Variants in ZFPM2 observed in about 807,000 individuals in gnomAD.
ZFPM2 encodes zinc finger protein, FOG family member 2.
ZFPM2 carries 20 observed loss-of-function variants against 98.6 expected under a neutral mutation model. The observed-to-expected ratio is 0.20, with a 90% CI of 0.14 to 0.29. The LOEUF is 0.29. ZFPM2 is among the 10% of genes least tolerant of loss of function. The pLI, the probability that ZFPM2 is intolerant of heterozygous loss-of-function variation, is 1.00. For missense variants in ZFPM2, 1,310 were observed against 1,388.6 expected, an observed-to-expected ratio of 0.94 and a Z score of 0.90; for synonymous variants, 518 against 502.7, an observed-to-expected ratio of 1.03 and a Z score of -0.41.
intron 1 of ZFPM2, among the ~76,000 whole-genome samples, chr8:105,415,824 A>G (rs938261417): frequency 1.3e-5 from 2 of 152,242 alleles, no homozygotes; most frequent in Non-Finnish European, 1.5e-5. Flanking sequence ...GTTATTTCAC[A>G]TTTTAAAGTA....
chr8:105,471,467 C>T (rs1017899874), intron 3 of ZFPM2, among the ~76,000 whole-genome samples: 11 of 152,154 alleles, frequency 7.2e-5, no homozygotes, highest in African/African-American at 2.7e-4. Context: ...CACTTTATCA[C>T]TTTAAGATTG....
chr8:105,687,632 G>A (rs1407064222), intron 5 of ZFPM2, among the ~76,000 whole-genome samples: 1 of 151,978 alleles, frequency 6.6e-6, no homozygotes, highest in East Asian at 1.9e-4. Context: ...CATAATATTT[G>A]GACTTTTAAG....
intron 5 of ZFPM2, among the ~76,000 whole-genome samples, chr8:105,749,378 A>G (rs996599718): frequency 6.6e-6 from 1 of 152,112 alleles, no homozygotes; most frequent in African/African-American, 2.4e-5. Context: ...TTAAATAGTA[A>G]GTTTAATAAA....
chr8:105,337,833 G>A (rs1812357214), intron 1 of ZFPM2, among the ~76,000 whole-genome samples: 1 of 151,356 alleles, frequency 6.6e-6, no homozygotes, highest in South Asian at 2.1e-4. Flanking sequence ...AATTTTGTGA[G>A]TGAGTTAAGC....
At chr8:105,608,617 C>A (rs1447155633) in intron 4 of ZFPM2, among the ~76,000 whole-genome samples, 23 of 116,038 alleles carry the variant, frequency 2.0e-4, no homozygotes, top group Admixed American at 6.4e-4. Flanking sequence ...CAGTGAGTAA[C>A]TAATAGAAAT....
chr8:105,409,335 T>C (rs1662042676), intron 1 of ZFPM2, among the ~76,000 whole-genome samples: 1 of 151,928 alleles, frequency 6.6e-6, no homozygotes, highest in South Asian at 2.1e-4. Context: ...GTTTGCATTA[T>C]CCAGGACTCT....
intron 1 of ZFPM2, among the ~76,000 whole-genome samples, chr8:105,385,673 T>C (rs1243049376): frequency 6.6e-6 from 1 of 152,250 alleles, no homozygotes; most frequent in Non-Finnish European, 1.5e-5. Flanking sequence ...GCTTCCAAAC[T>C]ACATCACTCT....
chr8:105,762,452 C>T (rs544932277), intron 5 of ZFPM2, among the ~76,000 whole-genome samples: 5 of 151,970 alleles, frequency 3.3e-5, no homozygotes, highest in Non-Finnish European at 4.4e-5. Flanking sequence ...TAGCTCACTC[C>T]GCTATCTGTC....
intron 4 of ZFPM2, among the ~76,000 whole-genome samples, chr8:105,596,492 TA>T (rs1815972200): frequency 6.6e-6 from 1 of 152,054 alleles, no homozygotes; most frequent in South Asian, 2.1e-4. Context: ...TGGTATGCCA[TA>T]CCTAGGGAAA....
At chr8:105,710,195 A>G (rs2130974130) in intron 5 of ZFPM2, among the ~76,000 whole-genome samples, 1 of 152,108 alleles carries the variant, frequency 6.6e-6, no homozygotes, top group East Asian at 1.9e-4. Context: ...GCAGTTATAA[A>G]CAACTTCAAA....
At chr8:105,541,119 G>A (rs1194362181) in intron 3 of ZFPM2, among the ~76,000 whole-genome samples, 4 of 152,078 alleles carry the variant, frequency 2.6e-5, no homozygotes, top group South Asian at 2.1e-4. Context: ...AACCAAGGAA[G>A]GGAGGGCCTC....
In ZFPM2 at chr8:105,457,860, GAGGGAAAATACAGTTTCCTGC is replaced by G. The variant is rs1241950249; in HGVS notation, c.301+13483_301+13503del. ...GGAAAGGACAGACTCTCTGAAAGAC[GAGGGAAAATACAGTTTCCTGC>G]AGGCAGAGAAGGGACTCCAGATTTA... On this transcript the variant is annotated intron_variant, in intron 3 of 7. Transcript: ENST00000407775. Among the ~76,000 whole-genome samples, 4 of 152,260 alleles carry G rather than the reference GAGGGAAAATACAGTTTCCTGC, an allele frequency of 2.6e-5. No individual in the cohort carries two copies. The East Asian group carries it at 7.7e-4, about 29-fold the overall frequency.
chr8:105,395,326 C>T (rs561396756), intron 1 of ZFPM2, among the ~76,000 whole-genome samples: 1 of 152,272 alleles, frequency 6.6e-6, no homozygotes, highest in South Asian at 2.1e-4. Context: ...TTTAGTATTA[C>T]CATGTGTCGT....
chr8:105,342,953 G>A (rs547789394), intron 1 of ZFPM2, among the ~76,000 whole-genome samples: 2 of 152,068 alleles, frequency 1.3e-5, no homozygotes, highest in African/African-American at 4.8e-5. Flanking sequence ...CAATCTTCTG[G>A]AGGCAGACTC....
chr8:105,576,336 CA>C (rs1303930506), intron 4 of ZFPM2, among the ~76,000 whole-genome samples: 1 of 151,768 alleles, frequency 6.6e-6, no homozygotes, highest in Non-Finnish European at 1.5e-5. Flanking sequence ...CATAGAGGCA[CA>C]AAAAATTAAA....
chr8:105,380,929 A>ATATATATAATATATATGT, intron 1 of ZFPM2, among the ~76,000 whole-genome samples: 2 of 105,464 alleles, frequency 1.9e-5, no homozygotes, highest in Non-Finnish European at 3.6e-5. Context: ...ATATATTATA[A>ATATATATAATATATATGT]TATATATATT....
intron 3 of ZFPM2, among the ~76,000 whole-genome samples, chr8:105,519,676 G>T (rs1654764494): frequency 6.6e-6 from 1 of 151,994 alleles, no homozygotes; most frequent in Non-Finnish European, 1.5e-5. Context: ...ATGGAATTCA[G>T]AACTCACATA....
intron 4 of ZFPM2, among the ~76,000 whole-genome samples, chr8:105,632,197 T>C (rs1057405028): frequency 6.6e-6 from 1 of 152,042 alleles, no homozygotes; most frequent in Non-Finnish European, 1.5e-5. Flanking sequence ...TGAGACAGAG[T>C]CTAGCCCTGT....
At chr8:105,511,301 C>A (rs941317961) in intron 3 of ZFPM2, among the ~76,000 whole-genome samples, 5 of 152,226 alleles carry the variant, frequency 3.3e-5, no homozygotes, top group Non-Finnish European at 5.9e-5. Flanking sequence ...AGATTCCAAT[C>A]AGCCTGTCCA....
Sources: gnomAD v4.1 joint callset for allele counts (sites outside exome capture counted in the v4.1 genomes callset) on GRCh38, gnomAD v4.1.1 for gene constraint, MANE v1.5 for transcripts, NCBI Gene and HGNC (gene_info 2026-07-23, HGNC 2026-07-21) for gene names.